ATRNL1: variants seen among roughly 807,000 people sequenced by gnomAD.
The protein encoded by ATRNL1 is attractin-like protein 1.
ATRNL1 carries 95 observed loss-of-function variants against 182.7 expected under a neutral mutation model. The ratio of observed to expected loss-of-function variants is 0.52; its 90% CI spans 0.44 to 0.62. The LOEUF (loss-of-function observed/expected upper bound fraction) is 0.62. ATRNL1 is among the 20% of genes least tolerant of loss of function. The pLI, the probability that ATRNL1 is intolerant of heterozygous loss-of-function variation, is 0.00. For synonymous variants in ATRNL1, 576 were observed against 568.3 expected (o/e 1.01, Z -0.19); for missense variants, 1,471 against 1,679.5 (o/e 0.88, Z 2.17).
chr10:115,418,829 A>C (rs1164386859), intron 20 of ATRNL1, among the ~76,000 whole-genome samples: 1 of 152,208 alleles, frequency 6.6e-6, no homozygotes, highest in African/African-American at 2.4e-5. Context: ...CTGCCAACCA[A>C]GAATACTATA....
At chr10:115,407,404 T>C (rs1210953462) in intron 20 of ATRNL1, among the ~76,000 whole-genome samples, 1 of 152,142 alleles carries the variant, frequency 6.6e-6, no homozygotes, top group Non-Finnish European at 1.5e-5. Flanking sequence ...TCCCAGCCAC[T>C]AGTACCTTCT....
intron 19 of ATRNL1, among the ~76,000 whole-genome samples, chr10:115,383,126 T>C (rs371495846): frequency 5.7e-4 from 87 of 151,824 alleles, no homozygotes; most frequent in South Asian, 3.1e-3. Flanking sequence ...CTTTTTTTTT[T>C]TCTCTCTCTA....
intron 24 of ATRNL1, among the ~76,000 whole-genome samples, chr10:115,500,920 C>CTTTTTTTTTTTTTT (rs71010023): frequency 3.7e-5 from 2 of 54,464 alleles, no homozygotes; most frequent in African/African-American, 8.0e-5. Flanking sequence ...TCAGGTAAGA[C>CTTTTTTTTTTTTTT]TTTTTTTTTT....
intron 24 of ATRNL1, among the ~76,000 whole-genome samples, chr10:115,486,234 G>T (rs1437349133): frequency 6.6e-6 from 1 of 152,120 alleles, no homozygotes; most frequent in Non-Finnish European, 1.5e-5. Context: ...ATAATAGAAT[G>T]ATTTATAATC....
At chr10:115,180,930 G>A (rs908217559) in intron 8 of ATRNL1, among the ~76,000 whole-genome samples, 1 of 151,830 alleles carries the variant, frequency 6.6e-6, no homozygotes, top group African/African-American at 2.4e-5. Context: ...TGACTCTGTT[G>A]TCACTACTCA....
At chr10:115,357,187 C>T (rs1198981264) in intron 19 of ATRNL1, among the ~76,000 whole-genome samples, 1 of 151,842 alleles carries the variant, frequency 6.6e-6, no homozygotes, top group Non-Finnish European at 1.5e-5. Context: ...TTCCTACTGG[C>T]TTGAAATGAC....
intron 27 of ATRNL1, among the ~76,000 whole-genome samples, chr10:115,814,000 T>G (rs1463380443): frequency 6.6e-6 from 1 of 152,122 alleles, no homozygotes; most frequent in Non-Finnish European, 1.5e-5. Flanking sequence ...ATAATGACAG[T>G]GAATCTCATT....
chr10:115,533,370 A>G (rs1851727527), intron 25 of ATRNL1, among the ~76,000 whole-genome samples: 4 of 151,690 alleles, frequency 2.6e-5, no homozygotes, highest in Admixed American at 6.5e-5. Context: ...TTTCTTCTAG[A>G]TTTTCTAGTT....
At chr10:115,840,301 C>T (rs1222291372) in intron 27 of ATRNL1, among the ~76,000 whole-genome samples, 3 of 152,086 alleles carry the variant, frequency 2.0e-5, no homozygotes, top group African/African-American at 7.2e-5. Context: ...TCATTTCAAG[C>T]CATTAACAGA....
chr10:115,605,646 A>G (rs2133952733), intron 26 of ATRNL1, among the ~76,000 whole-genome samples: 1 of 152,108 alleles, frequency 6.6e-6, no homozygotes, highest in South Asian at 2.1e-4. Context: ...ATCATCTTGT[A>G]TTTCAGCATA....
At chr10:115,393,752 C>T (rs1554954871) in intron 19 of ATRNL1, among the ~76,000 whole-genome samples, 1 of 151,982 alleles carries the variant, frequency 6.6e-6, no homozygotes, top group Admixed American at 6.6e-5. Context: ...AAGGAGGGGT[C>T]AGATACAAGA....
intron 27 of ATRNL1, among the ~76,000 whole-genome samples, chr10:115,756,106 T>C (rs1306466422): frequency 6.6e-6 from 1 of 152,160 alleles, no homozygotes; most frequent in African/African-American, 2.4e-5. Flanking sequence ...GTTGATCTTT[T>C]CAAAAAACCA....
chr10:115,111,382 T>A (rs1203978384), intron 1 of ATRNL1, among the ~76,000 whole-genome samples: 1 of 152,194 alleles, frequency 6.6e-6, no homozygotes, highest in Non-Finnish European at 1.5e-5. Context: ...CGCTGGATAA[T>A]GTGTAAGGAA....
intron 19 of ATRNL1, among the ~76,000 whole-genome samples, chr10:115,346,344 T>C (rs184052740): frequency 8.5e-5 from 13 of 152,316 alleles, no homozygotes; most frequent in Admixed American, 5.2e-4. Context: ...TACCTCATGT[T>C]AAGTGGAATC....
At chr10:115,378,402 A>G in intron 19 of ATRNL1, among the ~76,000 whole-genome samples, 1 of 152,214 alleles carries the variant, frequency 6.6e-6, no homozygotes, top group East Asian at 1.9e-4. Flanking sequence ...GTGGAACTAA[A>G]GTTGATAAGC....
intron 26 of ATRNL1, among the ~76,000 whole-genome samples, chr10:115,718,011 G>A (rs1353819015): frequency 6.6e-6 from 1 of 152,136 alleles, no homozygotes; most frequent in African/African-American, 2.4e-5. Flanking sequence ...GTCCGTACAC[G>A]ATTCACTAGT....
At chr10:115,261,729 T>G (rs1444989556) in intron 10 of ATRNL1, among the ~76,000 whole-genome samples, 2 of 152,046 alleles carry the variant, frequency 1.3e-5, no homozygotes, top group Non-Finnish European at 2.9e-5. Flanking sequence ...CTATCAAAGA[T>G]AATAAAAACT....
chr10:115,263,718 G>A (rs1403064597), intron 10 of ATRNL1, among the ~76,000 whole-genome samples: 1 of 151,650 alleles, frequency 6.6e-6, no homozygotes, highest in Non-Finnish European at 1.5e-5. Context: ...AACATATAAT[G>A]TACATTTATT....
rs1190649013 is a variant in ATRNL1 at position 115,093,762 on chromosome 10, G to T, written c.12G>T (p.Gly4=). 2 of 1,415,680 alleles carry T rather than the reference G, an allele frequency of 1.4e-6. No individual in the cohort carries two copies. The highest frequency in any genetic ancestry group is 3.0e-5 in the African/African-American group (2 of 65,918). 87.7% of individuals were successfully genotyped at this position (1,415,680 alleles called of 1,614,324 possible). A position where few individuals can be genotyped will look rare whatever the true frequency, so the allele number is the denominator to read the frequency against. Residue 4 remains glycine, a synonymous_variant, in exon 1 of 29, where the codon GGG becomes GGT. Coordinates refer to ENST00000355044, the MANE Select transcript of ATRNL1 (RefSeq NM_207303.4). This position sits in a 1 kb window ranked among gnomAD's most constrained non-coding sequence, Gnocchi z 6.1. MET[G]GRARTGTPQP... is the part of the protein sequence containing the mutation. ...GGGCGCCGGGGAAGATGGAGACTGG[G>T]GGCCGGGCCCGCACTGGTACCCCGC...
Sources: allele counts gnomAD v4.1 joint callset (sites outside exome capture counted in the v4.1 genomes callset), GRCh38; gene constraint gnomAD v4.1.1; non-coding constraint Gnocchi (gnomAD v3.1); transcripts MANE v1.5; gene names NCBI Gene and HGNC (gene_info 2026-07-23, HGNC 2026-07-21).